Variants in NRP2 observed in about 807,000 individuals in gnomAD.
NRP2 encodes neuropilin-2.
In NRP2, 52 loss-of-function variants were observed where a neutral mutation model predicts 110.4. The observed-to-expected ratio is 0.47, with a 90% confidence interval of 0.38 to 0.59. The LOEUF is 0.59. Ranked by LOEUF, NRP2 falls within the 20% of genes least tolerant of loss-of-function variation. The pLI is 0.00. For synonymous variants in NRP2, 508 were observed against 468.9 expected (o/e 1.08, Z -1.08); for missense variants, 1,049 against 1,203.0 (o/e 0.87, Z 1.89).
chr2:205,752,782 T>C, intron 11 of NRP2, 53 bp from the exon 12 acceptor site: 1 of 1,604,178 alleles, frequency 6.2e-7, no homozygotes, highest in Non-Finnish European at 8.5e-7. Context: ...CTGTGGCTGT[T>C]CTCTGAACCC....
At chr2:205,792,387 A>T (rs533658787) in intron 16 of NRP2, 102 bp downstream of exon 16, 45 of 813,318 alleles carry the variant, frequency 5.5e-5, no homozygotes, top group Non-Finnish European at 8.2e-5. Flanking sequence ...CCAAATCTAG[A>T]ACTATCAGTC....
intron 15 of NRP2, among the ~76,000 whole-genome samples, chr2:205,770,940 C>T (rs1191984136): frequency 2.0e-5 from 3 of 152,172 alleles, no homozygotes; most frequent in Non-Finnish European, 4.4e-5. Flanking sequence ...GCTACAGAGG[C>T]CTGACACGTC....
At chr2:205,781,812 C>T (rs1191771968) in intron 15 of NRP2, among the ~76,000 whole-genome samples, 1 of 152,156 alleles carries the variant, frequency 6.6e-6, no homozygotes, top group Non-Finnish European at 1.5e-5. Flanking sequence ...ATCTTACAAT[C>T]AGCAGGGAAA....
chr2:205,752,735 C>A, intron 11 of NRP2, 100 bp from the exon 12 acceptor site: 1 of 1,274,164 alleles, frequency 7.8e-7, no homozygotes, highest in Admixed American at 1.8e-5. Flanking sequence ...TTTCTCTGCT[C>A]TCCACTCAGG....
At chr2:205,752,409 C>G (rs1031320808) in intron 11 of NRP2, 7 of 292,026 alleles carry the variant, frequency 2.4e-5, no homozygotes, top group Non-Finnish European at 2.6e-5. Context: ...ATGGGCTGCC[C>G]CATCTCCTCT....
intron 1 of NRP2, among the ~76,000 whole-genome samples, chr2:205,688,199 A>T (rs1169278296): frequency 3.3e-5 from 5 of 152,242 alleles, no homozygotes; most frequent in Non-Finnish European, 7.3e-5. Context: ...GAAAAGTGTC[A>T]TCTGGGCAAT....
At chr2:205,717,770 G>A (rs918143516) in intron 3 of NRP2, among the ~76,000 whole-genome samples, 1 of 152,248 alleles carries the variant, frequency 6.6e-6, no homozygotes, top group Admixed American at 6.5e-5. Context: ...ACCAGCACCA[G>A]TGGAGCATCC....
intron 1 of NRP2, among the ~76,000 whole-genome samples, chr2:205,697,018 G>A (rs1252410286): frequency 1.3e-5 from 2 of 152,080 alleles, no homozygotes; most frequent in African/African-American, 4.8e-5. Flanking sequence ...TGCTTCCTCT[G>A]CACCACATGT....
In NRP2 at chr2:205,764,022, G is replaced by A. The variant is rs1037279410; in HGVS notation, c.2307+86G>A. The A allele has an allele frequency of 1.2e-5, 18 of 1,533,114 alleles. 1 individual carries two copies. Among genetic ancestry groups the A allele is most frequent in the African/African-American group, 4.1e-5 (3 of 73,550 alleles). The allele number at this position is 1,533,114 out of a possible 1,614,324, so 95.0% of individuals were successfully genotyped here. On this transcript the variant is annotated intron_variant, in intron 13 of 16. Transcript: ENST00000357785. ...ATTCATCGTTAGGGAACGTGGTTAAGCGCTACTGTTTTCATTGTGTTTCTC... is the reference window on the plus strand; with the variant it reads ...ATTCATCGTTAGGGAACGTGGTTAAACGCTACTGTTTTCATTGTGTTTCTC...
intron 8 of NRP2, among the ~76,000 whole-genome samples, chr2:205,742,273 T>C (rs1422086852): frequency 6.6e-6 from 1 of 152,258 alleles, no homozygotes; most frequent in African/African-American, 2.4e-5. Context: ...CTCAATCATT[T>C]GTTCCACACA....
chr2:205,765,735 G>A (rs755877109), intron 14 of NRP2, 165 bp downstream of exon 14: 8 of 755,180 alleles, frequency 1.1e-5, no homozygotes, highest in Non-Finnish European at 1.9e-5. Context: ...TCTTAGGCTG[G>A]GTTCAGGGTG....
intron 7 of NRP2, among the ~76,000 whole-genome samples, chr2:205,737,616 G>C (rs1425118344): frequency 6.6e-6 from 1 of 152,168 alleles, no homozygotes; most frequent in African/African-American, 2.4e-5. Flanking sequence ...AGAACAGAAG[G>C]CAGATGTGAA....
chr2:205,720,295 C>A (rs2056985771), intron 3 of NRP2, among the ~76,000 whole-genome samples: 1 of 139,734 alleles, frequency 7.2e-6, no homozygotes, highest in South Asian at 2.3e-4. Context: ...CCTTAAGTAC[C>A]TAAGGTTGAA....
chr2:205,717,805 TAA>T (rs989487531), intron 3 of NRP2, among the ~76,000 whole-genome samples: 2 of 152,068 alleles, frequency 1.3e-5, no homozygotes, highest in African/African-American at 4.8e-5. Context: ...GTGGGGAGAA[TAA>T]AAGAGAAAGA....
At chr2:205,766,701 T>C (rs890368067) in intron 14 of NRP2, 82 bp from the exon 15 acceptor site, 7 of 1,259,316 alleles carry the variant, frequency 5.6e-6, no homozygotes, top group Admixed American at 1.7e-5. Flanking sequence ...TTTATCATCA[T>C]ATTCATCCAA....
At chr2:205,709,310 C>T (rs1344301444) in intron 2 of NRP2, among the ~76,000 whole-genome samples, 1 of 152,146 alleles carries the variant, frequency 6.6e-6, no homozygotes, top group African/African-American at 2.4e-5. Flanking sequence ...CCCAAGGTGT[C>T]ATGTGTGTGT....
chr2:205,749,899 C>T, intron 11 of NRP2, 58 bp downstream of exon 11: 1 of 1,362,762 alleles, frequency 7.3e-7, no homozygotes, highest in Non-Finnish European at 1.0e-6. Context: ...TGGGAGCTGG[C>T]CTGTGGCTGG....
At chr2:205,707,605 T>C (rs895775510) in intron 2 of NRP2, among the ~76,000 whole-genome samples, 1 of 152,200 alleles carries the variant, frequency 6.6e-6, no homozygotes, top group Non-Finnish European at 1.5e-5. Context: ...GGAGGCTGGA[T>C]GCCAGCAAAG....
At position 205,763,801 on chromosome 2, in the gene NRP2, C is replaced by A. The variant is rs747984060; in HGVS notation, c.2172C>A (p.Gly724=). Residue 724 remains glycine (G), a synonymous_variant, in exon 13 of 17, where the codon GGC becomes GGA. Transcript: ENST00000357785. This position sits in a 1 kb window ranked among gnomAD's most constrained non-coding sequence, Gnocchi z 4.0. ...VCMEFQYQAT[G]GRGVALQVVR... is the part of the protein sequence containing the mutation. ...TGGAGTTCCAGTACCAGGCCACGGGCGGCCGCGGGGTGGCGCTGCAGGTGG... is the reference window on the plus strand; with the variant it reads ...TGGAGTTCCAGTACCAGGCCACGGGAGGCCGCGGGGTGGCGCTGCAGGTGG... 1.5e-5 allele frequency: 25 copies of A among 1,613,968 alleles called. No homozygotes were observed. Among genetic ancestry groups the A allele is most frequent in the Non-Finnish European group, 2.0e-5 (24 of 1,180,002 alleles).
Sources: gnomAD v4.1 joint callset for allele counts (sites outside exome capture counted in the v4.1 genomes callset) on GRCh38, gnomAD v4.1.1 for gene constraint, Gnocchi (gnomAD v3.1) non-coding constraint, MANE v1.5 for transcripts, NCBI Gene and HGNC (gene_info 2026-07-23, HGNC 2026-07-21) for gene names.